The following DPH6 variants were observed in gnomAD, a reference collection of about 807,000 sequenced individuals.
DPH6 encodes diphthine--ammonia ligase.
Under a neutral mutation model 38.2 loss-of-function variants are expected in DPH6, and 33 were observed. The ratio of observed to expected loss-of-function variants is 0.86; its 90% confidence interval spans 0.65 to 1.15. The LOEUF is 1.15. Among genes scored for constraint, DPH6 ranks in the 50% most tolerant of loss-of-function variants. DPH6 has a pLI of 0.00. For missense variants in DPH6, 325 were observed against 320.0 expected, an observed-to-expected ratio of 1.02 and a Z score of -0.12; for synonymous variants, 108 against 103.0, an observed-to-expected ratio of 1.05 and a Z score of -0.30.
intron 8 of DPH6, 191 bp from the exon 9 acceptor site, chr15:35,372,394 C>T: frequency 2.5e-6 from 1 of 408,070 alleles, no homozygotes; most frequent in Non-Finnish European, 4.2e-6. Flanking sequence ...ACGAGGTGAA[C>T]AGTGAGCTAT....
chr15:35,359,098 G>A (rs2052592259), intron 3 of DPH6, among the ~76,000 whole-genome samples: 1 of 152,046 alleles, frequency 6.6e-6, no homozygotes, highest in African/African-American at 2.4e-5. Context: ...TCAGGTCACT[G>A]GAGTTGTGTA....
chr15:35,279,068 A>AAATATATATATATAT (rs1555390826), intron 3 of DPH6, among the ~76,000 whole-genome samples: 1 of 102,992 alleles, frequency 9.7e-6, no homozygotes, highest in African/African-American at 4.8e-5. Context: ...AAAAAAAAAA[A>AAATATATATATATAT]ATATATATAT....
chr15:35,285,872 G>GTTTTTTTTTTTTTTTTTTT (rs67243158), intron 3 of DPH6, among the ~76,000 whole-genome samples: 6,705 of 52,716 alleles, frequency 0.13, 2,577 homozygotes, highest in East Asian at 0.26. Context: ...TTATCTTTGA[G>GTTTTTTTTTTTTTTTTTTT]TTTTTTTTTT....
intron 3 of DPH6, among the ~76,000 whole-genome samples, chr15:35,350,541 T>A (rs766477279): frequency 2.0e-5 from 3 of 152,146 alleles, no homozygotes; most frequent in Non-Finnish European, 4.4e-5. Flanking sequence ...TTATTTGACA[T>A]CTTTTCTCTT....
At chr15:35,203,516 G>A in the DPH6 span, among the ~76,000 whole-genome samples, 28 of 151,786 alleles carry the variant, frequency 1.8e-4, no homozygotes, top group Non-Finnish European at 2.2e-4. Context: ...TCATATGAAT[G>A]TACCGTATGT....
intron 3 of DPH6, among the ~76,000 whole-genome samples, chr15:35,255,122 G>C: frequency 6.6e-6 from 1 of 152,194 alleles, no homozygotes; most frequent in East Asian, 1.9e-4. Context: ...AGGTAAAAAA[G>C]TGAGCTTGCC....
chr15:35,488,730 T>C (rs752808015), intron 3 of DPH6, among the ~76,000 whole-genome samples: 21 of 152,028 alleles, frequency 1.4e-4, no homozygotes, highest in Non-Finnish European at 2.4e-4. Flanking sequence ...TTGTACATTA[T>C]GTAAAATAAG....
intron 6 of DPH6, among the ~76,000 whole-genome samples, chr15:35,386,051 G>GT (rs1404770509): frequency 6.6e-5 from 10 of 152,008 alleles, no homozygotes. Context: ...CTGTGTCCAT[G>GT]TGTTCTCTTT....
rs940026700 is a variant in DPH6 at position 35,538,468 on chromosome 15, C to T, written c.119-1G>A. The T allele has an allele frequency of 6.6e-7, 1 of 1,511,630 alleles. No individual in the cohort carries two copies. The highest frequency in any genetic ancestry group is 9.0e-7 in the Non-Finnish European group (1 of 1,113,656). The allele number at this position is 1,511,630 out of a possible 1,614,324, so 93.6% of individuals were successfully genotyped here. On this transcript the variant is annotated splice_acceptor_variant, in intron 2 of 8. Transcript: ENST00000256538. LOFTEE classifies it high-confidence loss of function. Reference sequence around the variant, plus strand: ...TAGCTATCCAGTTCATCAGACCCCACTGCAACAATTAAAATGGAAATAATT... The same window carrying T: ...TAGCTATCCAGTTCATCAGACCCCATTGCAACAATTAAAATGGAAATAATT...
chr15:35,168,604 A>G, the DPH6 span, among the ~76,000 whole-genome samples: 1 of 152,106 alleles, frequency 6.6e-6, no homozygotes, highest in African/African-American at 2.4e-5. Context: ...ACCGAATGCC[A>G]TTAGTATAAC....
downstream of DPH6, among the ~76,000 whole-genome samples, chr15:35,214,848 T>C (rs1219895807): frequency 6.6e-6 from 1 of 152,182 alleles, no homozygotes; most frequent in Non-Finnish European, 1.5e-5. Flanking sequence ...CCTCAGGTGA[T>C]CCAGCTGCCT....
At chr15:35,514,702 G>GA (rs2054821566) in intron 3 of DPH6, among the ~76,000 whole-genome samples, 1 of 152,128 alleles carries the variant, frequency 6.6e-6, no homozygotes, top group Admixed American at 6.5e-5. Context: ...AAGACCAGGG[G>GA]AGAGAAACTT....
chr15:35,281,103 C>T (rs550622356), intron 3 of DPH6, among the ~76,000 whole-genome samples: 2 of 151,912 alleles, frequency 1.3e-5, no homozygotes, highest in East Asian at 1.9e-4. Context: ...ATCTCTCCCC[C>T]CTCCCCCCAC....
chr15:35,435,485 G>A (rs1453859788), intron 5 of DPH6, among the ~76,000 whole-genome samples: 2 of 152,192 alleles, frequency 1.3e-5, no homozygotes, highest in Non-Finnish European at 2.9e-5. Context: ...CATGAGCACT[G>A]GGAGAATGGG....
intron 3 of DPH6, among the ~76,000 whole-genome samples, chr15:35,488,687 A>T (rs1414113185): frequency 2.0e-5 from 3 of 152,318 alleles, no homozygotes; most frequent in Middle Eastern, 3.4e-3. Context: ...CCATATCAGT[A>T]GTTAAACATA....
intron 3 of DPH6, among the ~76,000 whole-genome samples, chr15:35,534,425 G>A (rs1045136577): frequency 1.2e-4 from 18 of 148,688 alleles, no homozygotes; most frequent in Non-Finnish European, 2.4e-4. Context: ...TTCAGGAAAC[G>A]AAAGACAATG....
At chr15:35,208,753 CCT>C in the DPH6 span, among the ~76,000 whole-genome samples, 1 of 152,116 alleles carries the variant, frequency 6.6e-6, no homozygotes, top group Non-Finnish European at 1.5e-5. Context: ...TATTCTTCCT[CCT>C]CTCTTTCCCC....
At chr15:35,406,819 G>A (rs2053299961) in intron 6 of DPH6, among the ~76,000 whole-genome samples, 1 of 151,946 alleles carries the variant, frequency 6.6e-6, no homozygotes, top group Non-Finnish European at 1.5e-5. Context: ...CAGTGTGGAG[G>A]TACAGCTGAA....
chr15:35,309,400 TAGAATGAC>T (rs1359073414), intron 3 of DPH6, among the ~76,000 whole-genome samples: 1 of 152,158 alleles, frequency 6.6e-6, no homozygotes, highest in African/African-American at 2.4e-5. Context: ...CTAGCACAGG[TAGAATGAC>T]TGATTGTGGC....
Sources: gnomAD v4.1 joint callset for allele counts (sites outside exome capture counted in the v4.1 genomes callset) on GRCh38, gnomAD v4.1.1 for gene constraint, MANE v1.5 for transcripts, NCBI Gene and HGNC (gene_info 2026-07-23, HGNC 2026-07-21) for gene names.